The following ABCB11 variants were observed in gnomAD, a reference collection of about 807,000 sequenced individuals.
ABCB11 encodes the protein ATP binding cassette subfamily B member 11, also known as bile salt export pump.
Under a neutral mutation model 148.0 loss-of-function variants are expected in ABCB11, and 95 were observed. The ratio of observed to expected loss-of-function variants is 0.64; its 90% CI spans 0.54 to 0.76. ABCB11 has a LOEUF of 0.76. Ranked by LOEUF, ABCB11 falls within the 30% of genes least tolerant of loss-of-function variation. ABCB11 has a pLI of 0.00. For synonymous variants in ABCB11, 591 were observed against 555.4 expected (o/e 1.06, Z -0.90); for missense variants, 1,523 against 1,617.8 (o/e 0.94, Z 1.01).
intron 1 of ABCB11, among the ~76,000 whole-genome samples, chr2:169,018,894 C>G (rs1573986089): frequency 6.6e-6 from 1 of 152,018 alleles, no homozygotes; most frequent in African/African-American, 2.4e-5. Flanking sequence ...CTTCAGGAAC[C>G]AGAAATGGCA....
rs1692217611 is a variant in ABCB11, at chr2:168,944,630, G to C, written c.2585C>G (p.Ala862Gly). 1.9e-6 allele frequency: 3 copies of C among 1,609,988 alleles called. No homozygotes were observed. Among genetic ancestry groups the C allele is most frequent in the East Asian group, 4.5e-5 (2 of 44,800 alleles). Reference sequence around the variant, plus strand: ...CCCTTGAACTTGGGAAGCATCTGTAGCAAGTCTTGTTGTCAATGCTCCAGG... The same window carrying C: ...CCCTTGAACTTGGGAAGCATCTGTACCAAGTCTTGTTGTCAATGCTCCAGG... ...NSPGALTTRL[A>G]TDASQVQGAA... The change falls in exon 21 of 28, where the codon GCT becomes GGT. Residue 862 changes from alanine (A) to glycine (G), a missense_variant. Physicochemically the swap from Ala to Gly is moderately conservative, Grantham distance 60. Transcript: ENST00000650372.
chr2:169,022,641 T>C (rs756160211), intron 1 of ABCB11, among the ~76,000 whole-genome samples: 30 of 152,038 alleles, frequency 2.0e-4, no homozygotes, highest in African/African-American at 5.3e-4. Context: ...ATAATTCTAA[T>C]CTTATATAAA....
chr2:168,982,798 GAA>G (rs1491542085), intron 10 of ABCB11, among the ~76,000 whole-genome samples: 1 of 151,992 alleles, frequency 6.6e-6, no homozygotes, highest in Non-Finnish European at 1.5e-5. Flanking sequence ...GAGAGAGAGA[GAA>G]GAGAGAGAGA....
At chr2:168,919,933 C>A (rs543534659), downstream of ABCB11, among the ~76,000 whole-genome samples, 13 of 152,050 alleles carry the variant, frequency 8.5e-5, no homozygotes, top group South Asian at 2.7e-3. Flanking sequence ...AGGGCAGTGG[C>A]GCGATGTTGG....
intron 5 of ABCB11, among the ~76,000 whole-genome samples, chr2:169,000,384 A>G (rs1374180564): frequency 6.6e-6 from 1 of 152,162 alleles, no homozygotes; most frequent in Non-Finnish European, 1.5e-5. Flanking sequence ...GCCCTAGAAC[A>G]TGAAAATGGT....
intron 18 of ABCB11, among the ~76,000 whole-genome samples, chr2:168,962,679 C>T (rs1178894460): frequency 6.6e-6 from 1 of 151,634 alleles, no homozygotes; most frequent in Non-Finnish European, 1.5e-5. Context: ...ATAGAAATGT[C>T]AATGTAGTGT....
chr2:168,993,884 T>C lies in ABCB11; in HGVS notation c.612-2A>G, dbSNP rs1694629585. 6.2e-7 allele frequency: 1 copy of C among 1,601,450 alleles called. No individual in the cohort carries two copies. Among genetic ancestry groups the C allele is most frequent in the South Asian group, 1.1e-5 (1 of 88,432 alleles). ...GCATCATTGATTTTATTAATATCAC[T>C]AGAAACCAGAAAGATTTTGGTCACT... On this transcript the variant is annotated splice_acceptor_variant, in intron 7 of 27. Coordinates refer to ENST00000650372, the MANE Select transcript of ABCB11 (RefSeq NM_003742.4). LOFTEE classifies it high-confidence loss of function.
At chr2:168,916,554 C>G (rs1432487158), downstream of ABCB11, among the ~76,000 whole-genome samples, 1 of 152,160 alleles carries the variant, frequency 6.6e-6, no homozygotes, top group African/African-American at 2.4e-5. Flanking sequence ...TAATCATGTG[C>G]ATTGCTTTAT....
chr2:168,963,866 C>G (rs1273030026), intron 18 of ABCB11, among the ~76,000 whole-genome samples: 2 of 151,722 alleles, frequency 1.3e-5, no homozygotes, highest in East Asian at 2.0e-4. Context: ...TTCTTAACAA[C>G]TTTTATAAAA....
rs1170542125 is a variant in ABCB11, at chr2:168,975,280, T to A, written c.1308+1297A>T. Among the ~76,000 whole-genome samples, 6 of 73,780 alleles carry A rather than the reference T, an allele frequency of 8.1e-5. 1 individual carries two copies. The highest frequency in any genetic ancestry group is 4.1e-4 in the African/African-American group (6 of 14,492). 48.4% of individuals were successfully genotyped at this position (73,780 alleles called of 152,430 possible). On this transcript the variant is annotated intron_variant, in intron 12 of 27. Transcript: ENST00000650372. ...ATTTAAATATTTATAGATAAATATATGAATATTTAAATATTTTTATATTTA... is the reference window on the plus strand; with the variant it reads ...ATTTAAATATTTATAGATAAATATAAGAATATTTAAATATTTTTATATTTA...
chr2:168,991,400 G>C (rs999838323), intron 8 of ABCB11, among the ~76,000 whole-genome samples: 3 of 152,042 alleles, frequency 2.0e-5, no homozygotes, highest in African/African-American at 7.2e-5. Flanking sequence ...AGAAAAGAAA[G>C]TCCATTTTCA....
At chr2:168,934,395 C>G in intron 23 of ABCB11, among the ~76,000 whole-genome samples, 1 of 152,270 alleles carries the variant, frequency 6.6e-6, no homozygotes, top group East Asian at 1.9e-4. Context: ...CACCCTTACC[C>G]CCCGACTCGC....
intron 9 of ABCB11, among the ~76,000 whole-genome samples, chr2:168,990,556 C>T (rs1694480114): frequency 6.6e-6 from 1 of 152,042 alleles, no homozygotes. Flanking sequence ...TAAATATCTA[C>T]CCTGAGCTGG....
downstream of ABCB11, among the ~76,000 whole-genome samples, chr2:168,917,202 C>CAA (rs34174959): frequency 2.6e-5 from 4 of 151,622 alleles, no homozygotes; most frequent in Non-Finnish European, 5.9e-5. Flanking sequence ...AGTTTTTGGA[C>CAA]AAAAAAACTA....
chr2:168,935,996 C>A (rs182767307), intron 22 of ABCB11, among the ~76,000 whole-genome samples: 32 of 152,292 alleles, frequency 2.1e-4, no homozygotes, highest in Non-Finnish European at 1.9e-4. Flanking sequence ...ATTGAACAGG[C>A]AATCCTGTGT....
intron 5 of ABCB11, among the ~76,000 whole-genome samples, chr2:169,007,275 T>C (rs141032009): frequency 2.0e-5 from 3 of 152,290 alleles, no homozygotes; most frequent in Non-Finnish European, 4.4e-5. Flanking sequence ...CCACAAATGA[T>C]GCTGGAACAA....
chr2:168,969,643 A>T, intron 15 of ABCB11, 92 bp from the exon 16 acceptor site: 2 of 1,143,716 alleles, frequency 1.7e-6, no homozygotes, highest in Non-Finnish European at 2.5e-6. Flanking sequence ...GGAAAGTTAG[A>T]TCCTTGGTCC....
chr2:168,964,327 A>G lies in ABCB11; in HGVS notation c.2076-19T>C, dbSNP rs1693206149. On this transcript the variant is annotated intron_variant, in intron 17 of 27. Transcript: ENST00000650372. ...GGAAGCCCTGTAAATAAACAGAAAG[A>G]TGAAACAGTGTAGACTGTGGCCAGA... 6.5e-7 allele frequency: 1 copy of G among 1,543,428 alleles called. No individual in the cohort carries two copies. The highest frequency in any genetic ancestry group is 1.4e-5 in the African/African-American group (1 of 72,904).
chr2:168,964,132 C>T, intron 18 of ABCB11, 74 bp downstream of exon 18: 1 of 1,123,404 alleles, frequency 8.9e-7, no homozygotes, highest in Non-Finnish European at 1.3e-6. Context: ...CTCATATTCT[C>T]AGGCTTAAAG....
Sources: gnomAD v4.1 joint callset for allele counts (sites outside exome capture counted in the v4.1 genomes callset) on GRCh38, gnomAD v4.1.1 for gene constraint, MANE v1.5 for transcripts, NCBI Gene and HGNC (gene_info 2026-07-23, HGNC 2026-07-21) for gene names.